EPG5: variants seen among roughly 807,000 people sequenced by gnomAD.
The protein encoded by EPG5 is ectopic P-granules 5 autophagy tethering factor.
Under a neutral mutation model 302.7 loss-of-function variants are expected in EPG5, and 159 were observed. That is an observed-to-expected ratio of 0.53 (90% CI 0.46 to 0.60). The LOEUF is 0.60. Among genes scored for constraint, EPG5 ranks in the 20% least tolerant of loss-of-function variants. EPG5 has a pLI of 0.00. For synonymous variants in EPG5, 1,158 were observed against 1,136.8 expected, an observed-to-expected ratio of 1.02 and a Z score of -0.37; for missense variants, 2,896 against 3,092.4, an observed-to-expected ratio of 0.94 and a Z score of 1.51.
chr18:45,830,415 G>A, the EPG5 span, among the ~76,000 whole-genome samples: 5 of 151,844 alleles, frequency 3.3e-5, no homozygotes, highest in African/African-American at 4.8e-5. Flanking sequence ...TGCCCGATGC[G>A]GCAGCCCCAA....
chr18:45,841,859 G>A, the EPG5 span, among the ~76,000 whole-genome samples: 5 of 152,170 alleles, frequency 3.3e-5, no homozygotes, highest in Non-Finnish European at 7.4e-5. Context: ...TCAGGGACAT[G>A]GAGCCAGTCT....
chr18:45,874,965 A>G (rs2048940772), intron 35 of EPG5, among the ~76,000 whole-genome samples: 1 of 152,216 alleles, frequency 6.6e-6, no homozygotes, highest in South Asian at 2.1e-4. Context: ...TAAGGACTAT[A>G]TTCTTACTGA....
chr18:45,853,676 T>A (rs2048460054), intron 43 of EPG5, among the ~76,000 whole-genome samples: 1 of 152,166 alleles, frequency 6.6e-6, no homozygotes. Context: ...TTGAGGATGA[T>A]AAATAAACCA....
chr18:45,808,006 T>C, the EPG5 span, among the ~76,000 whole-genome samples: 1 of 151,952 alleles, frequency 6.6e-6, no homozygotes, highest in Admixed American at 6.6e-5. Flanking sequence ...GGAGAAATAG[T>C]CAATGAAATA....
rs11334955 is a variant in EPG5 at position 45,870,788 on chromosome 18, T to TAAA, written c.6050-49_6050-47dup. ...AGAGCTGAAGACCTTTGGTTTACCT[T>TAAA]AAAAAAAAAAAAAAAAAGCAAATTT... On this transcript the variant is annotated intron_variant, in intron 35 of 43. Transcript: ENST00000282041. 722 of 964,804 alleles carry TAAA rather than the reference T, an allele frequency of 7.5e-4. 1 individual carries two copies. The African/African-American group carries it at 9.6e-3, about 13-fold the overall frequency. The allele number at this position is 964,804 out of a possible 1,614,324, so 59.8% of individuals were successfully genotyped here.
At chr18:45,826,908 C>CTGTT in the EPG5 span, among the ~76,000 whole-genome samples, 9 of 152,234 alleles carry the variant, frequency 5.9e-5, no homozygotes, top group Admixed American at 3.9e-4. Flanking sequence ...GAAAGGAACT[C>CTGTT]TGTTTGTTTG....
At chr18:45,831,182 C>T in the EPG5 span, among the ~76,000 whole-genome samples, 1 of 152,198 alleles carries the variant, frequency 6.6e-6, no homozygotes, top group African/African-American at 2.4e-5. Context: ...CTCCATGGTG[C>T]CTCGGGCCGT....
At chr18:45,827,345 C>A in the EPG5 span, among the ~76,000 whole-genome samples, 1 of 152,044 alleles carries the variant, frequency 6.6e-6, no homozygotes, top group African/African-American at 2.4e-5. Context: ...TTGGCTGGGC[C>A]CCCCCACTAC....
chr18:45,873,946 C>A (rs1378702602), intron 35 of EPG5, among the ~76,000 whole-genome samples: 1 of 152,148 alleles, frequency 6.6e-6, no homozygotes, highest in East Asian at 1.9e-4. Flanking sequence ...ATGATTCCAA[C>A]CATAGGACAT....
At chr18:45,908,172 A>C in intron 23 of EPG5, 91 bp from the exon 24 acceptor site, 1 of 1,033,062 alleles carries the variant, frequency 9.7e-7, no homozygotes. Flanking sequence ...GCACCCCTAC[A>C]TAAGAGTAAA....
chr18:45,963,956 T>C (rs1252980617), intron 1 of EPG5, among the ~76,000 whole-genome samples: 1 of 152,130 alleles, frequency 6.6e-6, no homozygotes, highest in Non-Finnish European at 1.5e-5. Flanking sequence ...ATTTAGAAAA[T>C]GCAATTGGCA....
In EPG5 at chr18:45,923,467, A is replaced by G. The variant is rs1328883181; in HGVS notation, c.2719-80T>C. The stretch of plus-strand genomic sequence containing the variant: ...GTACCTTTGAATCAAAACATTAGGC[A>G]GAATAGTAACAAAGGATCTTCGATG... On this transcript the variant is annotated intron_variant, in intron 14 of 43. Transcript: ENST00000282041. 2.8e-6 allele frequency: 4 copies of G among 1,437,288 alleles called. No individual in the cohort carries two copies. In the East Asian group the frequency reaches 9.2e-5, roughly 33 times the overall value. The allele number at this position is 1,437,288 out of a possible 1,614,324, so 89.0% of individuals were successfully genotyped here.
intron 23 of EPG5, 152 bp from the exon 24 acceptor site, chr18:45,908,233 G>C (rs2049806588): frequency 7.1e-6 from 4 of 564,892 alleles, no homozygotes; most frequent in Non-Finnish European, 1.2e-5. Flanking sequence ...GGCTCCCAGA[G>C]AACTCCTGGT....
Position 45,910,514 on chromosome 18 carries a change from T to C in EPG5, c.4205+7A>G. 2 of 1,593,938 alleles carry C rather than the reference T, an allele frequency of 1.3e-6. No individual in the cohort carries two copies. The highest frequency in any genetic ancestry group is 1.1e-5 in the South Asian group (1 of 88,574). On this transcript the variant is annotated splice_region_variant and intron_variant, in intron 23 of 43. Transcript: ENST00000282041. ...AACAATGTAGGTGGCTAAATAACCA[T>C]ACTCACCTCACCAGCTCCTTGTGCA...
intron 27 of EPG5, chr18:45,890,316 CAT>C (rs1431500377): frequency 3.2e-5 from 5 of 158,374 alleles, no homozygotes; most frequent in Middle Eastern, 2.9e-3. Flanking sequence ...GCTGCGTACA[CAT>C]GTGTGCCCAG....
At chr18:45,952,343 C>T in intron 3 of EPG5, 57 bp downstream of exon 3, 2 of 1,589,914 alleles carry the variant, frequency 1.3e-6, no homozygotes, top group Non-Finnish European at 1.7e-6. Flanking sequence ...CCAGGCTATA[C>T]CCCTCAATTT....
rs1274877697 is a variant in EPG5, at chr18:45,858,052, C to T, written c.7243G>A (p.Ala2415Thr). The change falls in exon 42 of 44, where the codon GCA becomes ACA. Residue 2415 changes from alanine to threonine, a missense_variant. Coordinates refer to ENST00000282041, the MANE Select transcript of EPG5 (RefSeq NM_020964.3). The part of the protein sequence containing the change: ...QVYPSSVEEE[A>T]KLFLWWHQVL... ...TGGTGCCACCACAAAAACAGCTTTGCCTCTTCCTCCACGGAGCTAGGGGAG... is the reference window on the plus strand; with the variant it reads ...TGGTGCCACCACAAAAACAGCTTTGTCTCTTCCTCCACGGAGCTAGGGGAG... 1.9e-6 allele frequency: 3 copies of T among 1,613,416 alleles called. No homozygotes were observed. The highest frequency in any genetic ancestry group is 8.5e-7 in the Non-Finnish European group (1 of 1,179,620).
rs552802219 is a variant in EPG5 at position 45,952,565 on chromosome 18, C to G, written c.1087G>C (p.Glu363Gln). ...RVEMNENALV[E>Q]LKKLFDAKSE... ...TTGGCATCGAATAGCTTCTTTAGCT[C>G]CACCAGTGCATTTTCATTCATTTCT... The change falls in exon 3 of 44, where the codon GAG becomes CAG. Residue 363 changes from glutamate (E) to glutamine (Q), a missense_variant. Physicochemically the swap from Glu to Gln is conservative, Grantham distance 29. This residue lies in a region of EPG5 where 1,390 missense variants were observed against 1,430.0 expected (regional missense o/e 0.97). Transcript: ENST00000282041. 4.3e-6 allele frequency: 7 copies of G among 1,614,104 alleles called. No individual in the cohort carries two copies. In the South Asian group the frequency reaches 7.7e-5, roughly 18 times the overall value.
chr18:45,852,304 C>CACACACACA lies in EPG5; in HGVS notation c.*162_*163insTGTGTGTGT. On this transcript the variant is annotated 3_prime_UTR_variant, in exon 44 of 44. Transcript: ENST00000282041. ...AAACACACACACACACACACACACA[C>CACACACACA]CCCAAAATTATCTAATATCTAACGC... 1.6e-6 allele frequency: 1 copy of CACACACACA among 613,156 alleles called. No homozygotes were observed. Among genetic ancestry groups the CACACACACA allele is most frequent in the Non-Finnish European group, 2.8e-6 (1 of 352,630 alleles). The allele number at this position is 613,156 out of a possible 1,614,324, so 38.0% of individuals were successfully genotyped here. A position where few individuals can be genotyped will look rare whatever the true frequency, so the allele number is the denominator to read the frequency against.
Sources: gnomAD v4.1 joint callset for allele counts (sites outside exome capture counted in the v4.1 genomes callset) on GRCh38, gnomAD v4.1.1 for gene constraint, gnomAD v4.1.1 regional missense constraint, MANE v1.5 for transcripts, NCBI Gene and HGNC (gene_info 2026-07-23, HGNC 2026-07-21) for gene names.